Variants in TCF20 observed in about 807,000 individuals in gnomAD.
TCF20 encodes SPRE-binding protein.
In TCF20, 3 loss-of-function variants were observed where a neutral mutation model predicts 148.6. That is an observed-to-expected ratio of 0.02 (90% CI 0.01 to 0.05). The LOEUF (loss-of-function observed/expected upper bound fraction) is 0.05. TCF20 is among the 10% of genes least tolerant of loss of function. TCF20 has a pLI of 1.00. For synonymous variants in TCF20, 1,049 were observed against 909.5 expected (o/e 1.15, Z -2.76); for missense variants, 2,350 against 2,429.3 (o/e 0.97, Z 0.69).
chr22:42,247,715 G>A (rs1446981825), intron 1 of TCF20, among the ~76,000 whole-genome samples: 1 of 152,126 alleles, frequency 6.6e-6, no homozygotes, highest in African/African-American at 2.4e-5. Context: ...CACTAGACCA[G>A]GGACTGGGGA....
chr22:42,207,807 C>T (rs1258209028), intron 2 of TCF20, among the ~76,000 whole-genome samples: 3 of 151,164 alleles, frequency 2.0e-5, no homozygotes, highest in African/African-American at 7.3e-5. Context: ...AAGAGCGAAA[C>T]CCCATCTCAA....
chr22:42,221,840 G>A (rs895641552), intron 1 of TCF20, among the ~76,000 whole-genome samples: 1 of 138,400 alleles, frequency 7.2e-6, no homozygotes, highest in East Asian at 2.2e-4. Context: ...CCGGGTTCAC[G>A]TCATTCTCCT....
chr22:42,290,469 C>G lies in TCF20; in HGVS notation c.-37+53010G>C, dbSNP rs1235614325. ...GAGGCTGGGTCAGCTGTGGGTGTGA[C>G]CAGGCCATGGAGCGGGCAGGCTGGG... On this transcript the variant is annotated intron_variant, in intron 1 of 1. Transcript: ENST00000515426. The surrounding 1 kb of genome is among the most constrained non-coding windows in gnomAD (Gnocchi z 4.2). 6.6e-6 allele frequency among the ~76,000 whole-genome samples: 1 copy of G among 152,166 alleles called. No individual in the cohort carries two copies. The highest frequency in any genetic ancestry group is 2.1e-4 in the South Asian group (1 of 4,830).
rs748177195 is a variant in TCF20, at chr22:42,168,652, C to G, written c.*1G>C. On this transcript the variant is annotated 3_prime_UTR_variant, in exon 5 of 6. Transcript: ENST00000677622. The stretch of plus-strand genomic sequence containing the variant: ...CCATTCCCACGAGCACACTGCCCCC[C>G]TCACCCCCGCTCCGACTGCTCTGTG... The G allele has an allele frequency of 3.7e-6, 6 of 1,600,944 alleles. No individual in the cohort carries two copies. Among genetic ancestry groups the G allele is most frequent in the Non-Finnish European group, 5.1e-6 (6 of 1,173,866 alleles).
chr22:42,314,831 G>A (rs991298821), intron 1 of TCF20, among the ~76,000 whole-genome samples: 1 of 152,136 alleles, frequency 6.6e-6, no homozygotes, highest in Non-Finnish European at 1.5e-5. Flanking sequence ...AAAGAGGGCA[G>A]GGGCACGAAA....
At chr22:42,240,064 T>A (rs961201879) in intron 1 of TCF20, among the ~76,000 whole-genome samples, 2 of 152,244 alleles carry the variant, frequency 1.3e-5, no homozygotes, top group African/African-American at 2.4e-5. Flanking sequence ...AAAATTTATC[T>A]AATCATTACT....
At position 42,214,431 on chromosome 22, in the gene TCF20, T is replaced by C. The variant is rs147731301; in HGVS notation, c.875A>G (p.Tyr292Cys). Residue 292 changes from tyrosine to cysteine, a missense_variant, in exon 2 of 6, where the codon TAT (tyrosine) becomes TGT (cysteine). Transcript: ENST00000677622. ...AAAATTCTTCATAGATTGAGGCTGA[T>C]AGCTGTAATTGGATTGTGTTCCATA... is the stretch of plus-strand genomic sequence containing the variant. ...QAYGTQSNYS[Y>C]QPQSMKNFEQ... 284 of 1,614,204 alleles carry C rather than the reference T, an allele frequency of 1.8e-4. No homozygotes were observed. Among genetic ancestry groups the C allele is most frequent in the Non-Finnish European group, 2.3e-4 (272 of 1,180,034 alleles).
intron 1 of TCF20, among the ~76,000 whole-genome samples, chr22:42,219,438 T>C (rs1922147553): frequency 6.8e-6 from 1 of 146,802 alleles, no homozygotes. Context: ...ATCAGTGTAG[T>C]CAGTTTTAAA....
chr22:42,280,152 C>G (rs1253449113), intron 1 of TCF20, among the ~76,000 whole-genome samples: 1 of 152,224 alleles, frequency 6.6e-6, no homozygotes, highest in African/African-American at 2.4e-5. Context: ...GCCCAAGTCA[C>G]TACCTACATG....
At chr22:42,174,909 C>T (rs898058704) in intron 3 of TCF20, among the ~76,000 whole-genome samples, 1 of 151,928 alleles carries the variant, frequency 6.6e-6, no homozygotes, top group Non-Finnish European at 1.5e-5. Flanking sequence ...GCGGCGGGCG[C>T]CTGTAGTCCC....
At chr22:42,170,858 T>C (rs1356152976) in intron 3 of TCF20, among the ~76,000 whole-genome samples, 1 of 152,102 alleles carries the variant, frequency 6.6e-6, no homozygotes, top group African/African-American at 2.4e-5. Context: ...GACGCGTATT[T>C]TCTTCTCTGT....
rs1921501849 is a variant in TCF20 at position 42,214,655 on chromosome 22, C to T, written c.651G>A (p.Leu217=). Residue 217 remains leucine (L), a synonymous_variant, in exon 2 of 6, where the codon CTG becomes CTA. Coordinates refer to ENST00000677622, the MANE Select transcript of TCF20 (RefSeq NM_001378418.1). ...ACTGGTAACCAGCAGCAGAGGATGG[C>T]AGAGTTGAGGGCCGCTGCATTGGCT... ...HLQPMQRPST[L]PSSAAGYQLR... is the part of the protein sequence containing the mutation. 6.2e-7 allele frequency: 1 copy of T among 1,614,028 alleles called. No individual in the cohort carries two copies. Among genetic ancestry groups the T allele is most frequent in the Non-Finnish European group, 8.5e-7 (1 of 1,180,048 alleles).
intron 2 of TCF20, among the ~76,000 whole-genome samples, chr22:42,190,858 AAAAG>A (rs1017722831): frequency 6.6e-6 from 1 of 152,198 alleles, no homozygotes; most frequent in Non-Finnish European, 1.5e-5. Flanking sequence ...GTGCCCACAA[AAAAG>A]AAAGTTCGTA....
intron 1 of TCF20, among the ~76,000 whole-genome samples, chr22:42,323,945 TGGA>T (rs1927799538): frequency 9.6e-6 from 1 of 104,624 alleles, no homozygotes; most frequent in African/African-American, 3.6e-5. Flanking sequence ...GTGGTGGTGA[TGGA>T]GGTTATGGTG....
At chr22:42,171,886 A>C (rs1160534272) in intron 3 of TCF20, among the ~76,000 whole-genome samples, 1 of 152,336 alleles carries the variant, frequency 6.6e-6, no homozygotes, top group East Asian at 1.9e-4. Context: ...CACGAGCAGC[A>C]AAGGGTGCCA....
chr22:42,253,755 G>A (rs1348978723), intron 1 of TCF20, among the ~76,000 whole-genome samples: 1 of 152,056 alleles, frequency 6.6e-6, no homozygotes, highest in African/African-American at 2.4e-5. Flanking sequence ...ATTCAGAAAG[G>A]ATCCTGAACC....
At position 42,338,416 on chromosome 22, in the gene TCF20, C is replaced by T. The variant is rs370963717; in HGVS notation, c.-37+5063G>A. Among the ~76,000 whole-genome samples, 1,643 of 37,830 alleles carry T rather than the reference C, an allele frequency of 0.043. 11 individuals are homozygous for T. Among genetic ancestry groups the T allele is most frequent in the South Asian group, 0.094 (84 of 896 alleles). The allele number at this position is 37,830 out of a possible 152,430, so 24.8% of individuals were successfully genotyped here. A position where few individuals can be genotyped will look rare whatever the true frequency, so the allele number is the denominator to read the frequency against. On this transcript the variant is annotated intron_variant, in intron 1 of 1. Transcript: ENST00000515426. The surrounding 1 kb of genome is among the most constrained non-coding windows in gnomAD (Gnocchi z 4.0). ...CAAAGCTTAAATGGCAGCGCAGAGT[C>T]GGGAGGGGGGTGCCCAGGGGGCCTC...
intron 1 of TCF20, among the ~76,000 whole-genome samples, chr22:42,249,536 G>A (rs945499845): frequency 7.9e-5 from 12 of 152,146 alleles, no homozygotes; most frequent in African/African-American, 2.9e-4. Context: ...ACTTAATGGC[G>A]AAAGATAAAA....
intron 1 of TCF20, among the ~76,000 whole-genome samples, chr22:42,324,535 GA>G: frequency 6.6e-6 from 1 of 150,820 alleles, no homozygotes; most frequent in East Asian, 1.9e-4. Context: ...TCCACCAACC[GA>G]GAAAATAATC....
Sources: gnomAD v4.1 joint callset for allele counts (sites outside exome capture counted in the v4.1 genomes callset) on GRCh38, gnomAD v4.1.1 for gene constraint, Gnocchi (gnomAD v3.1) non-coding constraint, MANE v1.5 for transcripts, NCBI Gene and HGNC (gene_info 2026-07-23, HGNC 2026-07-21) for gene names.